GRID2: variants seen among roughly 807,000 people sequenced by gnomAD.
The protein encoded by GRID2 is glutamate ionotropic receptor delta type subunit 2.
GRID2 carries 33 observed loss-of-function variants against 114.8 expected under a neutral mutation model. The ratio of observed to expected loss-of-function variants is 0.29; its 90% CI spans 0.22 to 0.38. GRID2 has a LOEUF of 0.38. Ranked by LOEUF, GRID2 falls within the 10% of genes least tolerant of loss-of-function variation. The pLI is 1.00. For missense variants in GRID2, 1,184 were observed against 1,257.7 expected (o/e 0.94, Z 0.89); for synonymous variants, 505 against 449.9 (o/e 1.12, Z -1.55).
At chr4:93,272,631 G>A (rs1751586073) in intron 8 of GRID2, among the ~76,000 whole-genome samples, 1 of 152,150 alleles carries the variant, frequency 6.6e-6, no homozygotes, top group Non-Finnish European at 1.5e-5. Flanking sequence ...GCTTTCACCA[G>A]AGGGGTGGTT....
At chr4:92,579,070 C>A (rs1290319825) in intron 1 of GRID2, among the ~76,000 whole-genome samples, 3 of 152,046 alleles carry the variant, frequency 2.0e-5, no homozygotes, top group Non-Finnish European at 1.5e-5. Context: ...AGTAGAAGAT[C>A]CCGAGAAATC....
At chr4:92,943,271 T>A (rs913552317) in intron 2 of GRID2, among the ~76,000 whole-genome samples, 1 of 152,156 alleles carries the variant, frequency 6.6e-6, no homozygotes, top group Non-Finnish European at 1.5e-5. Flanking sequence ...GTTCTTTTCT[T>A]TTTATTCTTT....
intron 14 of GRID2, among the ~76,000 whole-genome samples, chr4:93,727,003 C>T (rs890916141): frequency 1.3e-5 from 2 of 152,138 alleles, no homozygotes; most frequent in Non-Finnish European, 1.5e-5. Context: ...ATTGCCCTGG[C>T]CAGAACTTCC....
chr4:93,543,627 A>C (rs1445800466), intron 13 of GRID2, among the ~76,000 whole-genome samples: 1 of 152,042 alleles, frequency 6.6e-6, no homozygotes, highest in Non-Finnish European at 1.5e-5. Flanking sequence ...AATGTGTGAG[A>C]ATATCAAACG....
chr4:92,995,931 G>C (rs1755169733), intron 2 of GRID2, among the ~76,000 whole-genome samples: 1 of 151,856 alleles, frequency 6.6e-6, no homozygotes, highest in Non-Finnish European at 1.5e-5. Flanking sequence ...AATGACACCT[G>C]TCATGATTTT....
At chr4:93,081,351 CTTAG>C (rs1342767745) in intron 2 of GRID2, among the ~76,000 whole-genome samples, 3 of 151,892 alleles carry the variant, frequency 2.0e-5, no homozygotes, top group African/African-American at 7.3e-5. Flanking sequence ...TCTTGTTTTA[CTTAG>C]TAAGAAAACA....
chr4:92,707,868 G>T (rs1735029126), intron 2 of GRID2, among the ~76,000 whole-genome samples: 1 of 152,196 alleles, frequency 6.6e-6, no homozygotes, highest in African/African-American at 2.4e-5. Flanking sequence ...GAAGAATAGA[G>T]TGATGAATTC....
chr4:93,787,812 C>T (rs1734622586), intron 1 of GRID2, among the ~76,000 whole-genome samples: 1 of 152,092 alleles, frequency 6.6e-6, no homozygotes. Context: ...AGTGGAAATA[C>T]ATTCATGTAT....
chr4:93,076,383 A>T (rs1729301031), intron 2 of GRID2, among the ~76,000 whole-genome samples: 2 of 152,156 alleles, frequency 1.3e-5, no homozygotes, highest in African/African-American at 2.4e-5. Flanking sequence ...CACTTGCAGA[A>T]GTTGTATGAT....
chr4:93,355,128 C>G (rs1212693119), intron 8 of GRID2, among the ~76,000 whole-genome samples: 3 of 151,930 alleles, frequency 2.0e-5, no homozygotes, highest in African/African-American at 7.3e-5. Flanking sequence ...GTTTTCTCCT[C>G]TCCTCAACAT....
chr4:93,244,581 G>C (rs12645120), intron 8 of GRID2, among the ~76,000 whole-genome samples: 15 of 33,760 alleles, frequency 4.4e-4, no homozygotes, highest in African/African-American at 1.2e-3. Flanking sequence ...TTAATTAATA[G>C]ATTATATAAT....
chr4:93,755,453 CT>C (rs1732664009), intron 14 of GRID2, among the ~76,000 whole-genome samples: 2 of 152,042 alleles, frequency 1.3e-5, no homozygotes, highest in Admixed American at 1.3e-4. Context: ...TTATAAATAA[CT>C]ATTTATGTCA....
At chr4:93,546,015 C>A (rs570820116) in intron 13 of GRID2, among the ~76,000 whole-genome samples, 1 of 152,178 alleles carries the variant, frequency 6.6e-6, no homozygotes, top group East Asian at 1.9e-4. Flanking sequence ...TACAAATTTC[C>A]AAATAGAATG....
chr4:92,763,059 G>T (rs1380135941), intron 2 of GRID2, among the ~76,000 whole-genome samples: 1 of 152,114 alleles, frequency 6.6e-6, no homozygotes, highest in Non-Finnish European at 1.5e-5. Flanking sequence ...AGCCGACTTT[G>T]GGAGTATACA....
intron 14 of GRID2, among the ~76,000 whole-genome samples, chr4:93,710,518 G>A (rs1219744907): frequency 1.3e-5 from 2 of 152,214 alleles, no homozygotes; most frequent in African/African-American, 4.8e-5. Context: ...GGACTGTGCT[G>A]AGCCAGACCT....
intron 1 of GRID2, among the ~76,000 whole-genome samples, chr4:92,569,658 C>A (rs1396518792): frequency 6.6e-6 from 1 of 151,864 alleles, no homozygotes; most frequent in Non-Finnish European, 1.5e-5. Context: ...TTTTTAATGT[C>A]TATTCTGAGT....
At chr4:93,151,483 G>A (rs1166515718) in intron 4 of GRID2, among the ~76,000 whole-genome samples, 1 of 151,712 alleles carries the variant, frequency 6.6e-6, no homozygotes, top group African/African-American at 2.4e-5. Flanking sequence ...ATTAGACACC[G>A]CCTTCTTTAT....
At chr4:93,663,929 C>T (rs1250496474) in intron 14 of GRID2, among the ~76,000 whole-genome samples, 2 of 152,036 alleles carry the variant, frequency 1.3e-5, no homozygotes, top group African/African-American at 2.4e-5. Flanking sequence ...TTTTTTCAAA[C>T]GTATTCGGAT....
intron 3 of GRID2, among the ~76,000 whole-genome samples, chr4:93,094,888 AAATT>A (rs76221574): frequency 0.029 from 4,478 of 152,120 alleles, 98 homozygotes; most frequent in Non-Finnish European, 0.043. Context: ...ATAAATAAGC[AAATT>A]AATTAATTAA....
Sources: allele counts gnomAD v4.1 joint callset (sites outside exome capture counted in the v4.1 genomes callset), GRCh38; gene constraint gnomAD v4.1.1; transcripts MANE v1.5; gene names NCBI Gene and HGNC (gene_info 2026-07-23, HGNC 2026-07-21).